RAB32: variants seen among roughly 807,000 people sequenced by gnomAD.
RAB32 encodes ras-related protein Rab-32.
Under a neutral mutation model 17.5 loss-of-function variants are expected in RAB32, and 17 were observed. The ratio of observed to expected loss-of-function variants is 0.97; its 90% confidence interval spans 0.67 to 1.46. The LOEUF (loss-of-function observed/expected upper bound fraction) is 1.46, where lower values mean the gene tolerates loss of function less well. Among genes scored for constraint, RAB32 ranks in the 40% most tolerant of loss-of-function variants. RAB32 has a pLI of 0.00. For synonymous variants in RAB32, 115 were observed against 111.1 expected (o/e 1.04, Z -0.22); for missense variants, 288 against 284.3 (o/e 1.01, Z -0.09).
rs77853324 is a variant in RAB32 at position 146,549,070 on chromosome 6, C to T, written c.251-394C>T. Among the ~76,000 whole-genome samples, 1,446 of 152,300 alleles carry T rather than the reference C, an allele frequency of 9.5e-3. 44 individuals carry two copies. The East Asian group carries it at 0.1, about 11-fold the overall frequency. ...GCATGTTACCCACTGCACTTATCTCCTTCCTGCAGGCTTCATTTCTTCTAT... is the reference window on the plus strand; with the variant it reads ...GCATGTTACCCACTGCACTTATCTCTTTCCTGCAGGCTTCATTTCTTCTAT... On this transcript the variant is annotated intron_variant, in intron 1 of 2. Coordinates refer to ENST00000367495, the MANE Select transcript of RAB32 (RefSeq NM_006834.5).
rs1378424034 is a variant in RAB32, at chr6:146,544,081, C to A, written c.210C>A (p.Asp70Glu). The change falls in exon 1 of 3, where the codon GAC becomes GAA. Residue 70 changes from aspartate (D) to glutamate (E), a missense_variant. Coordinates refer to ENST00000367495, the MANE Select transcript of RAB32 (RefSeq NM_006834.5). ...VDFALKVLNW[D>E]SRTLVRLQLW... is the part of the protein sequence containing the mutation. ...TCGCCCTCAAGGTCCTCAACTGGGA[C>A]AGCAGGACTCTGGTGCGCCTGCAGC... The A allele has an allele frequency of 6.2e-7, 1 of 1,613,618 alleles. No individual in the cohort carries two copies. The highest frequency in any genetic ancestry group is 1.3e-5 in the African/African-American group (1 of 74,924).
chr6:146,547,809 G>T (rs1562730384), intron 1 of RAB32, among the ~76,000 whole-genome samples: 1 of 148,190 alleles, frequency 6.7e-6, no homozygotes, highest in Non-Finnish European at 1.5e-5. Flanking sequence ...TTACTCATTT[G>T]TCACCCCACT....
At chr6:146,553,844 T>G (rs768167424) in intron 2 of RAB32, among the ~76,000 whole-genome samples, 13 of 152,058 alleles carry the variant, frequency 8.5e-5, no homozygotes, top group Non-Finnish European at 1.3e-4. Context: ...ATAAGCACAG[T>G]TTTTGCAATG....
rs1475205453 is a variant in RAB32, at chr6:146,554,461, CAT to C, written c.536_537del (p.Ile179LysfsTer22). ...TCTTCATTTCTGCATTACAGGATAA[CAT>C]AAACATAGAGGAAGCTGCCCGGTTC... ...GWFETSAKDN[I>X]NIEEAARFLV... On this transcript the variant is annotated frameshift_variant, in exon 3 of 3. Transcript: ENST00000367495. LOFTEE classifies it high-confidence loss of function. 6.2e-7 allele frequency: 1 copy of C among 1,607,170 alleles called. No homozygotes were observed. The highest frequency in any genetic ancestry group is 1.3e-5 in the African/African-American group (1 of 74,238).
At chr6:146,546,310 T>C (rs180819374) in intron 1 of RAB32, among the ~76,000 whole-genome samples, 13 of 152,210 alleles carry the variant, frequency 8.5e-5, no homozygotes, top group Admixed American at 7.8e-4. Flanking sequence ...ACCAGCAATT[T>C]ACAAAATTAG....
intron 1 of RAB32, among the ~76,000 whole-genome samples, chr6:146,547,243 ATGCTTAT>A (rs958169716): frequency 6.6e-6 from 1 of 152,146 alleles, no homozygotes; most frequent in African/African-American, 2.4e-5. Flanking sequence ...TTACTATTAT[ATGCTTAT>A]TGCTTATTAG....
intron 1 of RAB32, among the ~76,000 whole-genome samples, chr6:146,544,491 C>T (rs1322176820): frequency 2.0e-5 from 3 of 152,150 alleles, no homozygotes; most frequent in Admixed American, 6.5e-5. Flanking sequence ...AGCCTCAACT[C>T]AAGTTCAGAG....
At chr6:146,547,172 AT>A (rs1318631348) in intron 1 of RAB32, among the ~76,000 whole-genome samples, 1 of 152,200 alleles carries the variant, frequency 6.6e-6, no homozygotes, top group African/African-American at 2.4e-5. Flanking sequence ...TACTCAAGAT[AT>A]AGCAAGAGAT....
chr6:146,549,739 A>G lies in RAB32; in HGVS notation c.526A>G (p.Lys176Glu). 6.2e-7 allele frequency: 1 copy of G among 1,613,614 alleles called. No homozygotes were observed. Among genetic ancestry groups the G allele is most frequent in the Non-Finnish European group, 8.5e-7 (1 of 1,179,614 alleles). ...GFAGWFETSA[K>E]DNINIEEAAR... ...TGCCGGATGGTTTGAAACCTCTGCA[A>G]AGGTGAGATCTGCTTTGCTTATGCA... The change falls in exon 2 of 3, where the codon AAG (lysine) becomes GAG (glutamate). Residue 176 changes from lysine (K) to glutamate (E), a missense_variant and splice_region_variant. Lys to Glu is a moderately conservative substitution (Grantham distance 56, BLOSUM62 1). Coordinates refer to ENST00000367495, the MANE Select transcript of RAB32 (RefSeq NM_006834.5).
chr6:146,549,036 A>G (rs879667512), intron 1 of RAB32, among the ~76,000 whole-genome samples: 2 of 152,174 alleles, frequency 1.3e-5, no homozygotes, highest in Admixed American at 1.3e-4. Context: ...GCCCTAATCT[A>G]TTTGACTAGC....
At position 146,549,596 on chromosome 6, in the gene RAB32, T is replaced by C. The variant is rs140352435; in HGVS notation, c.383T>C (p.Val128Ala). The C allele has an allele frequency of 1.1e-5, 17 of 1,614,176 alleles. 1 individual carries two copies. The African/African-American group carries it at 2.1e-4, about 20-fold the overall frequency. Residue 128 changes from valine to alanine, a missense_variant, in exon 2 of 3, where the codon GTT becomes GCT. Physicochemically the swap from Val to Ala is moderately conservative, Grantham distance 64 (BLOSUM62 0). Coordinates refer to ENST00000367495, the MANE Select transcript of RAB32 (RefSeq NM_006834.5). ...TGGAAAAGTGATCTGGATAGTAAAG[T>C]TCATCTTCCAAATGGCAGCCCTATC... ...LKWKSDLDSK[V>A]HLPNGSPIPA...
intron 1 of RAB32, among the ~76,000 whole-genome samples, chr6:146,547,722 C>CAAA (rs34641788): frequency 2.7e-5 from 3 of 109,614 alleles, no homozygotes; most frequent in African/African-American, 7.2e-5. Flanking sequence ...AGATGATTCA[C>CAAA]AAAAAAAAAA....
rs200721719 is a variant in RAB32 at position 146,549,706 on chromosome 6, C to T, written c.493C>T (p.His165Tyr). 7 of 1,614,146 alleles carry T rather than the reference C, an allele frequency of 4.3e-6. No individual in the cohort carries two copies. In the East Asian group the frequency reaches 8.9e-5, roughly 21 times the overall value. ...CCAGGTGGACCAATTCTGCAAAGAA[C>T]ATGGCTTTGCCGGATGGTTTGAAAC... ...PSQVDQFCKE[H>Y]GFAGWFETSA... The change falls in exon 2 of 3, where the codon CAT (histidine) becomes TAT (tyrosine). Residue 165 changes from histidine (H) to tyrosine (Y), a missense_variant. Physicochemically the swap from His to Tyr is moderately conservative, Grantham distance 83. Transcript: ENST00000367495.
intron 2 of RAB32, among the ~76,000 whole-genome samples, chr6:146,551,114 G>A (rs185844306): frequency 2.9e-4 from 44 of 152,242 alleles, no homozygotes; most frequent in Non-Finnish European, 3.2e-4. Flanking sequence ...AAAATATTGC[G>A]CAATGATGGA....
chr6:146,545,625 C>G (rs745324392), intron 1 of RAB32, among the ~76,000 whole-genome samples: 33 of 152,218 alleles, frequency 2.2e-4, no homozygotes, highest in South Asian at 8.3e-4. Context: ...CTCAGTTGCT[C>G]AGAAAAAAGG....
Position 146,544,117 on chromosome 6 carries a change from CG to C in RAB32, c.247del (p.Ala83ArgfsTer9). ...TGGTGCGCCTGCAGCTGTGGGACATCGCGGGTAAGCGCGGCCGCGAGTTTCC... is the reference window on the plus strand; with the variant it reads ...TGGTGCGCCTGCAGCTGTGGGACATCCGGGTAAGCGCGGCCGCGAGTTTCC... ...TLVRLQLWDI[A>X]GQERFGNMTR... On this transcript the variant is annotated frameshift_variant, in exon 1 of 3. Transcript: ENST00000367495. LOFTEE classifies it high-confidence loss of function. 1 of 1,608,296 alleles carries C rather than the reference CG, an allele frequency of 6.2e-7. No individual in the cohort carries two copies. Among genetic ancestry groups the C allele is most frequent in the Non-Finnish European group, 8.5e-7 (1 of 1,176,940 alleles).
At position 146,554,618 on chromosome 6, in the gene RAB32, G is replaced by T. The variant is rs924031502; in HGVS notation, c.*13G>T. The T allele has an allele frequency of 5.0e-6, 8 of 1,605,558 alleles. No individual in the cohort carries two copies. Among genetic ancestry groups the T allele is most frequent in the Non-Finnish European group, 6.8e-6 (8 of 1,176,796 alleles). ...CCAGTGTTGCTGATATATGGCTTCT[G>T]CTTCTCTTGTGTGTGCCTCAGCTCT... On this transcript the variant is annotated 3_prime_UTR_variant, in exon 3 of 3. Transcript: ENST00000367495.
intron 2 of RAB32, among the ~76,000 whole-genome samples, chr6:146,553,236 T>C (rs1406107792): frequency 6.6e-6 from 1 of 152,032 alleles, no homozygotes; most frequent in Admixed American, 6.5e-5. Flanking sequence ...ACAGTGATGA[T>C]TGTTGTAGGG....
chr6:146,543,989 A>G lies in RAB32; in HGVS notation c.118A>G (p.Ser40Gly). ...VIGELGVGKT[S>G]IIKRYVHQLF... ...CGGCGAGCTTGGCGTGGGCAAGACC[A>G]GCATCATCAAGCGCTACGTCCACCA... The change falls in exon 1 of 3, where the codon AGC becomes GGC. Residue 40 changes from serine (S) to glycine (G), a missense_variant. Physicochemically the swap from Ser to Gly is moderately conservative, Grantham distance 56 (BLOSUM62 0). Coordinates refer to ENST00000367495, the MANE Select transcript of RAB32 (RefSeq NM_006834.5). The G allele has an allele frequency of 1.9e-6, 3 of 1,613,726 alleles. No homozygotes were observed. The highest frequency in any genetic ancestry group is 1.7e-6 in the Non-Finnish European group (2 of 1,179,900).
Sources: allele counts gnomAD v4.1 joint callset (sites outside exome capture counted in the v4.1 genomes callset), GRCh38; gene constraint gnomAD v4.1.1; transcripts MANE v1.5; gene names NCBI Gene and HGNC (gene_info 2026-07-23, HGNC 2026-07-21).